CDC5L: variants seen among roughly 807,000 people sequenced by gnomAD.
CDC5L encodes the protein cell division cycle 5-like protein.
Under a neutral mutation model 104.1 loss-of-function variants are expected in CDC5L, and 18 were observed. That is an observed-to-expected ratio of 0.17 (90% CI 0.12 to 0.26). The LOEUF is 0.26. CDC5L is among the 10% of genes least tolerant of loss of function. The pLI is 1.00. For missense variants in CDC5L, 673 were observed against 956.9 expected (o/e 0.70, Z 3.91); for synonymous variants, 331 against 322.7 (o/e 1.03, Z -0.28).
At chr6:44,416,544 C>T (rs546897362) in intron 8 of CDC5L, among the ~76,000 whole-genome samples, 12 of 152,218 alleles carry the variant, frequency 7.9e-5, no homozygotes, top group African/African-American at 2.9e-4. Context: ...CCTCTGTCAC[C>T]TCTGCTTCTC....
At chr6:44,422,864 T>G (rs2153381214) in intron 10 of CDC5L, 55 bp downstream of exon 10, 1 of 1,254,772 alleles carries the variant, frequency 8.0e-7, no homozygotes, top group Non-Finnish European at 1.1e-6. Context: ...ATCTCATGGA[T>G]GCCAAATTAA....
intron 14 of CDC5L, among the ~76,000 whole-genome samples, chr6:44,430,814 AC>A (rs1184192614): frequency 6.6e-6 from 1 of 151,904 alleles, no homozygotes; most frequent in African/African-American, 2.4e-5. Flanking sequence ...CTCGTGATCC[AC>A]CCATCTCAGC....
chr6:44,426,989 G>C (rs1166800668), intron 13 of CDC5L, among the ~76,000 whole-genome samples: 1 of 152,158 alleles, frequency 6.6e-6, no homozygotes, highest in African/African-American at 2.4e-5. Flanking sequence ...TTCGTTGACA[G>C]TTGTTACAGT....
rs1245643618 is a variant in CDC5L, at chr6:44,450,261, AATGATTTGTTC to A, written c.*3555_*3565del. On this transcript the variant is annotated 3_prime_UTR_variant, in exon 16 of 16. Transcript: ENST00000371477. The stretch of plus-strand genomic sequence containing the variant: ...GTGCATTAAGCAGTTATAACATGGG[AATGATTTGTTC>A]ATGAAAGGTTGAAAGTCTGTACTTA... The A allele has an allele frequency of 6.6e-6, 1 of 152,170 alleles. No individual in the cohort carries two copies. Among genetic ancestry groups the A allele is most frequent in the Non-Finnish European group, 1.5e-5 (1 of 68,026 alleles). The allele number at this position is 152,170 out of a possible 1,614,324, so 9.4% of individuals were successfully genotyped here. A position where few individuals can be genotyped will look rare whatever the true frequency, so the allele number is the denominator to read the frequency against.
At chr6:44,434,558 G>A (rs1245772163) in intron 14 of CDC5L, among the ~76,000 whole-genome samples, 1 of 152,144 alleles carries the variant, frequency 6.6e-6, no homozygotes, top group Non-Finnish European at 1.5e-5. Flanking sequence ...ACTGGGAAGT[G>A]GAGCTCCCAT....
At position 44,422,647 on chromosome 6, in the gene CDC5L, G is replaced by A; in HGVS notation, c.1242G>A (p.Arg414=). ...TTAATTGGGATTCCTGTCTTTCTAG[G>A]ACTCCTTCTAATGGAGCTGAAGGGC... ...TPNTVLSTPF[R]TPSNGAEGLT... is the part of the protein sequence containing the mutation. The change falls in exon 10 of 16, where the codon AGG becomes AGA. Residue 414 remains arginine, a splice_region_variant and synonymous_variant. Transcript: ENST00000371477. 1 of 1,585,038 alleles carries A rather than the reference G, an allele frequency of 6.3e-7. No individual in the cohort carries two copies. Among genetic ancestry groups the A allele is most frequent in the Non-Finnish European group, 8.6e-7 (1 of 1,166,744 alleles).
At chr6:44,441,362 A>G (rs1289995561) in intron 14 of CDC5L, among the ~76,000 whole-genome samples, 1 of 152,208 alleles carries the variant, frequency 6.6e-6, no homozygotes, top group African/African-American at 2.4e-5. Flanking sequence ...TTTTATGTGT[A>G]TACCATATTT....
rs1792461786 is a variant in CDC5L at position 44,427,182 on chromosome 6, A to G, written c.1893+458A>G. Among the ~76,000 whole-genome samples, 4 of 152,226 alleles carry G rather than the reference A, an allele frequency of 2.6e-5. 1 individual carries two copies. The South Asian group carries it at 8.3e-4, about 31-fold the overall frequency. ...TTTTTTTACTGAATATATTCCCCTCACATGATTTCCCCCTACTCTTTTGGA... is the reference window on the plus strand; with the variant it reads ...TTTTTTTACTGAATATATTCCCCTCGCATGATTTCCCCCTACTCTTTTGGA... On this transcript the variant is annotated intron_variant, in intron 13 of 15. Coordinates refer to ENST00000371477, the MANE Select transcript of CDC5L (RefSeq NM_001253.4).
At position 44,449,452 on chromosome 6, in the gene CDC5L, C is replaced by G. The variant is rs949935122; in HGVS notation, c.*2741C>G. ...GGAGGATCATTTGAGCTCAGGAGTTCAAGATTAGCCTGGGTAACATAGTGA... is the reference window on the plus strand; with the variant it reads ...GGAGGATCATTTGAGCTCAGGAGTTGAAGATTAGCCTGGGTAACATAGTGA... On this transcript the variant is annotated 3_prime_UTR_variant, in exon 16 of 16. Transcript: ENST00000371477. 4 of 152,030 alleles carry G rather than the reference C, an allele frequency of 2.6e-5. No individual in the cohort carries two copies. The highest frequency in any genetic ancestry group is 4.8e-5 in the African/African-American group (2 of 41,406). The allele number at this position is 152,030 out of a possible 1,614,324, so 9.4% of individuals were successfully genotyped here. A position where few individuals can be genotyped will look rare whatever the true frequency, so the allele number is the denominator to read the frequency against.
rs139719790 is a variant in CDC5L at position 44,411,689 on chromosome 6, ACT to A, written c.1092+3060_1092+3061del. Among the ~76,000 whole-genome samples, 1,169 of 134,236 alleles carry A rather than the reference ACT, an allele frequency of 8.7e-3. 8 individuals are homozygous for A. Among genetic ancestry groups the A allele is most frequent in the Non-Finnish European group, 0.014 (856 of 62,940 alleles). The allele number at this position is 134,236 out of a possible 152,430, so 88.1% of individuals were successfully genotyped here. A position where few individuals can be genotyped will look rare whatever the true frequency, so the allele number is the denominator to read the frequency against. On this transcript the variant is annotated intron_variant, in intron 8 of 15. Transcript: ENST00000371477. ...CCTATAGACTTTGTTTTTTATTATC[ACT>A]CTTTTTCTTCTCATTTTATATTGTT...
Position 44,402,229 on chromosome 6 carries a change from C to T in CDC5L, c.540-1580C>T, listed in dbSNP as rs892159875. Among the ~76,000 whole-genome samples, 114 of 149,430 alleles carry T rather than the reference C, an allele frequency of 7.6e-4. 1 individual carries two copies. Among genetic ancestry groups the T allele is most frequent in the African/African-American group, 2.3e-3 (95 of 40,494 alleles). On this transcript the variant is annotated intron_variant, in intron 5 of 15. Transcript: ENST00000371477. ...GTTCTAGATCCCTGAGGAATCGCCA[C>T]ACTGACTTCCACAATGGTTGAACTA...
chr6:44,441,290 G>C (rs1023862163), intron 14 of CDC5L, among the ~76,000 whole-genome samples: 1 of 152,180 alleles, frequency 6.6e-6, no homozygotes, highest in African/African-American at 2.4e-5. Context: ...AATGTCCTCT[G>C]TGTCCATCTG....
At chr6:44,388,311 C>T (rs1790444177) in intron 1 of CDC5L, among the ~76,000 whole-genome samples, 2 of 152,214 alleles carry the variant, frequency 1.3e-5, no homozygotes, top group Admixed American at 6.5e-5. Flanking sequence ...CCATTGACTT[C>T]CTTGCAGAGG....
intron 1 of CDC5L, among the ~76,000 whole-genome samples, chr6:44,388,961 C>T (rs549030734): frequency 6.6e-6 from 1 of 152,004 alleles, no homozygotes; most frequent in African/African-American, 2.4e-5. Context: ...GAGGATTACA[C>T]GAGTTAATAC....
chr6:44,427,633 A>G (rs944324890), intron 13 of CDC5L, among the ~76,000 whole-genome samples: 1 of 152,180 alleles, frequency 6.6e-6, no homozygotes, highest in African/African-American at 2.4e-5. Flanking sequence ...GTTTCGATTT[A>G]TATTTCAATA....
intron 6 of CDC5L, 45 bp downstream of exon 6, chr6:44,404,072 G>T: frequency 2.9e-6 from 4 of 1,395,848 alleles, no homozygotes; most frequent in Non-Finnish European, 4.0e-6. Flanking sequence ...AATAGTAGGA[G>T]GAGTCTTACG....
intron 8 of CDC5L, among the ~76,000 whole-genome samples, chr6:44,411,635 A>AGTGTGTTTGTGTGTGT: frequency 8.2e-6 from 1 of 121,472 alleles, no homozygotes; most frequent in South Asian, 3.6e-4. Context: ...AGAGAGAGAG[A>AGTGTGTTTGTGTGTGT]GAGTGTGTGT....
chr6:44,441,926 C>A (rs1293089904), intron 14 of CDC5L, among the ~76,000 whole-genome samples: 7 of 117,330 alleles, frequency 6.0e-5, no homozygotes, highest in East Asian at 3.3e-4. Flanking sequence ...TTTGTAAGGT[C>A]TTGTTCTTTT....
chr6:44,434,231 G>A (rs1369332857), intron 14 of CDC5L, among the ~76,000 whole-genome samples: 1 of 152,170 alleles, frequency 6.6e-6, no homozygotes, highest in Non-Finnish European at 1.5e-5. Context: ...ACTTCCTAAT[G>A]TATGCAGATG....
Sources: allele counts gnomAD v4.1 joint callset (sites outside exome capture counted in the v4.1 genomes callset), GRCh38; gene constraint gnomAD v4.1.1; transcripts MANE v1.5; gene names NCBI Gene and HGNC (gene_info 2026-07-23, HGNC 2026-07-21).